Variants in HDAC9 observed in about 807,000 individuals in gnomAD.
The protein encoded by HDAC9 is MEF-2 interacting transcription repressor (MITR) protein.
In HDAC9, 41 loss-of-function variants were observed where a neutral mutation model predicts 139.4. The observed-to-expected ratio is 0.29, with a 90% CI of 0.23 to 0.38. HDAC9 has a LOEUF of 0.38. Ranked by LOEUF, HDAC9 falls within the 10% of genes least tolerant of loss-of-function variation. The probability of loss-of-function intolerance (pLI) is 1.00; values close to 1 mark genes in which losing one functional copy is unlikely to be tolerated. For synonymous variants in HDAC9, 517 were observed against 476.2 expected (o/e 1.09, Z -1.12); for missense variants, 1,147 against 1,297.0 (o/e 0.88, Z 1.78).
At chr7:18,619,440 C>T (rs1035714385) in intron 6 of HDAC9, among the ~76,000 whole-genome samples, 5 of 152,112 alleles carry the variant, frequency 3.3e-5, no homozygotes, top group African/African-American at 1.2e-4. Flanking sequence ...GAAATAGACA[C>T]AAGATCAATG....
chr7:18,705,199 A>G (rs1028644378), intron 12 of HDAC9, among the ~76,000 whole-genome samples: 1 of 152,170 alleles, frequency 6.6e-6, no homozygotes, highest in Admixed American at 6.5e-5. Flanking sequence ...CAGCCTAAGC[A>G]CTAATGACAC....
intron 8 of HDAC9, among the ~76,000 whole-genome samples, chr7:18,635,086 A>G (rs564462490): frequency 3.3e-5 from 5 of 151,886 alleles, no homozygotes; most frequent in Non-Finnish European, 7.4e-5. Context: ...TTGAAATGTA[A>G]TCCTCAGTCA....
At chr7:18,546,084 A>AT (rs1220904868) in intron 2 of HDAC9, among the ~76,000 whole-genome samples, 2 of 152,230 alleles carry the variant, frequency 1.3e-5, no homozygotes, top group African/African-American at 4.8e-5. Flanking sequence ...AGTAATTTGA[A>AT]TATCTCCTAA....
chr7:18,569,906 A>C (rs1375943649), intron 2 of HDAC9, among the ~76,000 whole-genome samples: 2 of 152,180 alleles, frequency 1.3e-5, no homozygotes, highest in Non-Finnish European at 2.9e-5. Flanking sequence ...TATCTTTTCA[A>C]ATCTTTTCTC....
chr7:18,754,009 C>T (rs1026262441), intron 14 of HDAC9, among the ~76,000 whole-genome samples: 12 of 152,062 alleles, frequency 7.9e-5, no homozygotes, highest in African/African-American at 2.9e-4. Context: ...TAAATTGGCT[C>T]TGCTTACTAA....
intron 11 of HDAC9, among the ~76,000 whole-genome samples, chr7:18,649,623 C>G (rs1788619284): frequency 6.6e-6 from 1 of 151,416 alleles, no homozygotes; most frequent in Admixed American, 6.6e-5. Flanking sequence ...ATGTAAGAAA[C>G]AAACAAAACA....
chr7:18,451,742 C>G (rs189678599), intron 1 of HDAC9, among the ~76,000 whole-genome samples: 1 of 151,820 alleles, frequency 6.6e-6, no homozygotes, highest in East Asian at 1.9e-4. Flanking sequence ...TCAGCCCTAT[C>G]GGCATATTTG....
intron 2 of HDAC9, among the ~76,000 whole-genome samples, chr7:18,248,388 A>G (rs1257060031): frequency 1.3e-5 from 2 of 152,168 alleles, no homozygotes; most frequent in Non-Finnish European, 2.9e-5. Flanking sequence ...AGCTAGTTTT[A>G]TGCTCGTATG....
intron 6 of HDAC9, among the ~76,000 whole-genome samples, chr7:18,620,199 A>G (rs1839838579): frequency 6.6e-6 from 1 of 152,186 alleles, no homozygotes; most frequent in Non-Finnish European, 1.5e-5. Flanking sequence ...TCCAGTCTGC[A>G]TGAAACTTGC....
chr7:18,840,371 A>G (rs1023934131), intron 21 of HDAC9, among the ~76,000 whole-genome samples: 5 of 152,014 alleles, frequency 3.3e-5, no homozygotes, highest in African/African-American at 1.2e-4. Context: ...TCAGCTCTTC[A>G]GGGAAGTTCA....
At position 18,591,743 on chromosome 7, in the gene HDAC9, G is replaced by A. The variant is rs955633363; in HGVS notation, c.542+101G>A. On this transcript the variant is annotated intron_variant, in intron 5 of 25. Transcript: ENST00000686413. ...ATCCTTAGCCTGCCATTTCTCAGCTGTCTGGCTGTGGGCAAGTTCCTTCAG... is the reference window on the plus strand; with the variant it reads ...ATCCTTAGCCTGCCATTTCTCAGCTATCTGGCTGTGGGCAAGTTCCTTCAG... 9.5e-6 allele frequency: 14 copies of A among 1,474,830 alleles called. No individual in the cohort carries two copies. In the African/African-American group the frequency reaches 9.9e-5, roughly 10 times the overall value. The allele number at this position is 1,474,830 out of a possible 1,614,324, so 91.4% of individuals were successfully genotyped here.
chr7:18,569,164 C>G lies in HDAC9; in HGVS notation c.23-16117C>G, dbSNP rs573002740. On this transcript the variant is annotated intron_variant, in intron 2 of 25. Coordinates refer to ENST00000686413, the MANE Select transcript of HDAC9 (RefSeq NM_178425.4). ...AATATTTGAGATTTTGCAGCCTGTACTATCTCTGTGGCATTCAATTCTGAC... is the reference window on the plus strand; with the variant it reads ...AATATTTGAGATTTTGCAGCCTGTAGTATCTCTGTGGCATTCAATTCTGAC... Among the ~76,000 whole-genome samples the G allele has an allele frequency of 5.9e-5, 9 of 152,320 alleles. No individual in the cohort carries two copies. The South Asian group carries it at 1.4e-3, about 25-fold the overall frequency.
At chr7:18,557,664 A>G (rs1028063188) in intron 2 of HDAC9, among the ~76,000 whole-genome samples, 4 of 148,986 alleles carry the variant, frequency 2.7e-5, no homozygotes, top group Non-Finnish European at 5.9e-5. Flanking sequence ...TGCAAATTAT[A>G]TATTATAAAT....
At chr7:18,897,837 C>T (rs1801352727) in intron 22 of HDAC9, among the ~76,000 whole-genome samples, 1 of 150,522 alleles carries the variant, frequency 6.6e-6, no homozygotes. Flanking sequence ...AAAAAAAATC[C>T]CTCCATTTCA....
At chr7:18,252,396 A>G (rs779362130) in intron 2 of HDAC9, among the ~76,000 whole-genome samples, 3 of 152,122 alleles carry the variant, frequency 2.0e-5, no homozygotes, top group Non-Finnish European at 4.4e-5. Context: ...TAAATCTTAG[A>G]CTTTAATGTT....
chr7:18,860,616 T>C (rs191019469), intron 21 of HDAC9, among the ~76,000 whole-genome samples: 4 of 152,138 alleles, frequency 2.6e-5, no homozygotes, highest in Admixed American at 2.0e-4. Context: ...TCTTTTCCTG[T>C]CCTTTAAGAA....
At chr7:18,648,410 A>ATGTGTGTGTGTGTGTGTG in intron 10 of HDAC9, 56 bp from the exon 11 acceptor site, 1 of 1,056,342 alleles carries the variant, frequency 9.5e-7, no homozygotes. Context: ...GTGTGTGTGT[A>ATGTGTGTGTGTGTGTGTG]TGTGTGTGTG....
At chr7:18,816,396 A>G (rs139259749) in intron 17 of HDAC9, among the ~76,000 whole-genome samples, 1 of 152,350 alleles carries the variant, frequency 6.6e-6, no homozygotes, top group East Asian at 1.9e-4. Flanking sequence ...AAGGATCCAT[A>G]GTTACTATTG....
chr7:18,340,272 A>G (rs1343647171), intron 1 of HDAC9, among the ~76,000 whole-genome samples: 2 of 151,540 alleles, frequency 1.3e-5, no homozygotes, highest in East Asian at 3.9e-4. Context: ...ATTTATAATG[A>G]GTACCTTGAA....
Sources: gnomAD v4.1 joint callset for allele counts (sites outside exome capture counted in the v4.1 genomes callset) on GRCh38, gnomAD v4.1.1 for gene constraint, MANE v1.5 for transcripts, NCBI Gene and HGNC (gene_info 2026-07-23, HGNC 2026-07-21) for gene names.